The following PHAF1 variants were observed in gnomAD, a reference collection of about 807,000 sequenced individuals.
PHAF1 encodes phagosome assembly factor 1.
In PHAF1, 23 loss-of-function variants were observed where a neutral mutation model predicts 63.1. The ratio of observed to expected loss-of-function variants is 0.36; its 90% CI spans 0.26 to 0.52. PHAF1 has a LOEUF of 0.52. PHAF1 is among the 20% of genes least tolerant of loss of function. PHAF1 has a pLI of 0.93. For missense variants in PHAF1, 427 were observed against 517.2 expected (o/e 0.83, Z 1.69); for synonymous variants, 167 against 185.0 (o/e 0.90, Z 0.79).
intron 6 of PHAF1, 156 bp downstream of exon 6, chr16:67,133,067 G>A: frequency 1.5e-6 from 1 of 658,400 alleles, no homozygotes; most frequent in Non-Finnish European, 2.7e-6. Context: ...TGGTAGAGTG[G>A]GTGGGTTGAC....
At chr16:67,132,137 G>A (rs2145862368) in intron 4 of PHAF1, 1 of 228,970 alleles carries the variant, frequency 4.4e-6, no homozygotes, top group South Asian at 1.1e-4. Flanking sequence ...GGTTCTAGTT[G>A]TCTTTTAGTT....
intron 10 of PHAF1, 53 bp downstream of exon 10, chr16:67,140,647 C>A: frequency 7.6e-7 from 1 of 1,316,760 alleles, no homozygotes; most frequent in Non-Finnish European, 1.1e-6. Flanking sequence ...GTGGGCAGTG[C>A]ATCTTTGCAG....
intron 1 of PHAF1, among the ~76,000 whole-genome samples, chr16:67,115,014 A>G (rs888558703): frequency 6.6e-6 from 1 of 152,266 alleles, no homozygotes; most frequent in African/African-American, 2.4e-5. Flanking sequence ...TAGTTGAACC[A>G]GGGATGAGCA....
At chr16:67,139,343 CTTTTTTTT>C (rs1164245105) in intron 8 of PHAF1, among the ~76,000 whole-genome samples, 3 of 86,890 alleles carry the variant, frequency 3.5e-5, no homozygotes, top group East Asian at 3.6e-4. Context: ...ACAGCACTGC[CTTTTTTTT>C]TTTTTTTTTT....
chr16:67,145,554 T>G lies in PHAF1; in HGVS notation c.1051-16T>G. Reference sequence around the variant, plus strand: ...ATGTCCCTACTAACCCCTGCTCCCCTCTATCCCTCTTGCAGTGGGACAACA... The same window carrying G: ...ATGTCCCTACTAACCCCTGCTCCCCGCTATCCCTCTTGCAGTGGGACAACA... On this transcript the variant is annotated splice_polypyrimidine_tract_variant and intron_variant, in intron 13 of 15. Transcript: ENST00000219139. The G allele has an allele frequency of 6.2e-7, 1 of 1,613,988 alleles. No individual in the cohort carries two copies. The highest frequency in any genetic ancestry group is 8.5e-7 in the Non-Finnish European group (1 of 1,179,940).
chr16:67,110,516 C>T (rs1351084514), intron 1 of PHAF1, among the ~76,000 whole-genome samples: 1 of 152,176 alleles, frequency 6.6e-6, no homozygotes, highest in African/African-American at 2.4e-5. Flanking sequence ...GCCTAATGCC[C>T]GGCCCTGCTC....
chr16:67,145,312 T>G (rs2029945869), intron 12 of PHAF1, 64 bp from the exon 13 acceptor site: 2 of 1,588,590 alleles, frequency 1.3e-6, no homozygotes, highest in Admixed American at 3.4e-5. Context: ...GGTTCCTACC[T>G]AGGGCTGGGG....
chr16:67,140,423 C>T, intron 9 of PHAF1, 88 bp from the exon 10 acceptor site: 2 of 1,172,570 alleles, frequency 1.7e-6, no homozygotes, highest in South Asian at 2.6e-5. Context: ...CTTAATGTTA[C>T]ACATGGAACA....
chr16:67,143,899 G>A (rs1188359786), intron 10 of PHAF1, among the ~76,000 whole-genome samples: 2 of 151,876 alleles, frequency 1.3e-5, no homozygotes, highest in African/African-American at 4.8e-5. Context: ...GACCAGGCTG[G>A]CCAACATGGT....
chr16:67,139,665 T>A, intron 8 of PHAF1: 1 of 261,304 alleles, frequency 3.8e-6, no homozygotes, highest in Non-Finnish European at 7.3e-6. Flanking sequence ...TGCACTGTTT[T>A]TGTTCACTTT....
intron 10 of PHAF1, among the ~76,000 whole-genome samples, chr16:67,142,641 CTAGG>C (rs1810749691): frequency 6.6e-6 from 1 of 152,198 alleles, no homozygotes; most frequent in South Asian, 2.1e-4. Context: ...TGGGGAGAGG[CTAGG>C]TAGTGGGAGC....
chr16:67,146,148 G>A, intron 14 of PHAF1, 130 bp from the exon 15 acceptor site: 1 of 859,144 alleles, frequency 1.2e-6, no homozygotes, highest in Admixed American at 1.8e-5. Context: ...GGCCTGTGTG[G>A]GAAACAGACA....
At chr16:67,113,080 T>G (rs1330249934) in intron 1 of PHAF1, among the ~76,000 whole-genome samples, 1 of 152,230 alleles carries the variant, frequency 6.6e-6, no homozygotes, top group African/African-American at 2.4e-5. Flanking sequence ...TTATCTCTTT[T>G]TGCCAGGTGA....
intron 1 of PHAF1, among the ~76,000 whole-genome samples, chr16:67,113,130 C>T (rs1248525105): frequency 6.6e-6 from 1 of 152,198 alleles, no homozygotes; most frequent in African/African-American, 2.4e-5. Flanking sequence ...CAAAAGTCGC[C>T]AAACAGGCAT....
chr16:67,144,867 C>T lies in PHAF1; in HGVS notation c.996C>T (p.Ala332=). The change falls in exon 12 of 16, where the codon GCC becomes GCT. Residue 332 remains alanine, a synonymous_variant. Transcript: ENST00000219139. ...GCTGTGAGTTCAAGATCCCACTAGC[C>T]ATAAAGAAAGGTGAGTAGTGAAAGC... ...YHRCEFKIPL[A]IKKENADGQT... is the part of the protein sequence containing the mutation. 6.2e-7 allele frequency: 1 copy of T among 1,614,000 alleles called. No individual in the cohort carries two copies. Among genetic ancestry groups the T allele is most frequent in the Non-Finnish European group, 8.5e-7 (1 of 1,179,914 alleles).
rs909604041 is a variant in PHAF1, at chr16:67,110,357, C to T, written c.64+118C>T. The T allele has an allele frequency of 1.1e-5, 13 of 1,144,628 alleles. No individual in the cohort carries two copies. In the Admixed American group the frequency reaches 1.3e-4, roughly 12 times the overall value. The allele number at this position is 1,144,628 out of a possible 1,614,324, so 70.9% of individuals were successfully genotyped here. Reference sequence around the variant, plus strand: ...GCCCGCAGCTCCTCACCTCTTTCGTCCTCTCGGCTCGCTGGGCTCCAGGCA... The same window carrying T: ...GCCCGCAGCTCCTCACCTCTTTCGTTCTCTCGGCTCGCTGGGCTCCAGGCA... On this transcript the variant is annotated intron_variant, in intron 1 of 15. Coordinates refer to ENST00000219139, the MANE Select transcript of PHAF1 (RefSeq NM_025187.5).
At chr16:67,114,972 C>T (rs1962679612) in intron 1 of PHAF1, among the ~76,000 whole-genome samples, 1 of 152,092 alleles carries the variant, frequency 6.6e-6, no homozygotes, top group Non-Finnish European at 1.5e-5. Context: ...ATACAGAAAA[C>T]AGATGGAGAT....
intron 5 of PHAF1, 63 bp downstream of exon 5, chr16:67,132,588 G>A (rs1196710171): frequency 6.6e-6 from 10 of 1,514,244 alleles, no homozygotes; most frequent in African/African-American, 2.7e-5. Context: ...AAACCTGCCC[G>A]GTAGTGCCAT....
intron 2 of PHAF1, among the ~76,000 whole-genome samples, chr16:67,124,666 G>A (rs576909980): frequency 6.6e-6 from 1 of 152,240 alleles, no homozygotes; most frequent in South Asian, 2.1e-4. Context: ...GATGGATCAC[G>A]AGGTCAGGAG....
Sources: gnomAD v4.1 joint callset for allele counts (sites outside exome capture counted in the v4.1 genomes callset) on GRCh38, gnomAD v4.1.1 for gene constraint, MANE v1.5 for transcripts, NCBI Gene and HGNC (gene_info 2026-07-23, HGNC 2026-07-21) for gene names.